TTC39C: variants seen among roughly 807,000 people sequenced by gnomAD.
TTC39C encodes the protein tetratricopeptide repeat protein 39C.
Under a neutral mutation model 76.3 loss-of-function variants are expected in TTC39C, and 33 were observed. That is an observed-to-expected ratio of 0.43 (90% CI 0.33 to 0.58). The LOEUF is 0.58. TTC39C is among the 20% of genes least tolerant of loss of function. TTC39C has a pLI of 0.04. For synonymous variants in TTC39C, 254 were observed against 260.6 expected (o/e 0.97, Z 0.24); for missense variants, 595 against 701.4 (o/e 0.85, Z 1.71).
intron 1 of TTC39C, among the ~76,000 whole-genome samples, chr18:24,029,720 C>G (rs1950269561): frequency 6.6e-6 from 1 of 152,080 alleles, no homozygotes; most frequent in African/African-American, 2.4e-5. Flanking sequence ...GTCCTCATAG[C>G]TTAGCTCCCC....
intron 1 of TTC39C, chr18:24,015,268 C>T (rs1241196087): frequency 7.4e-6 from 3 of 404,192 alleles, no homozygotes; most frequent in East Asian, 3.9e-5. Context: ...GGACCCGCCG[C>T]GCGCCCGCCC....
chr18:24,033,252 CAATA>C (rs769592459), intron 1 of TTC39C, among the ~76,000 whole-genome samples: 24 of 152,102 alleles, frequency 1.6e-4, no homozygotes, highest in East Asian at 1.9e-4. Flanking sequence ...GACTCTGTCT[CAATA>C]AATAAATAAA....
intron 6 of TTC39C, among the ~76,000 whole-genome samples, chr18:24,089,134 C>T (rs1339839743): frequency 5.3e-5 from 8 of 152,130 alleles, no homozygotes; most frequent in Non-Finnish European, 1.0e-4. Context: ...GAAGAAAGAA[C>T]AGGGAGACCC....
At position 24,058,213 on chromosome 18, in the gene TTC39C, A is replaced by C. The variant is rs139166241; in HGVS notation, c.168-5927A>C. Among the ~76,000 whole-genome samples the C allele has an allele frequency of 2.4e-3, 362 of 152,332 alleles. 5 individuals are homozygous for C. Among genetic ancestry groups the C allele is most frequent in the Admixed American group, 0.017 (265 of 15,298 alleles). On this transcript the variant is annotated intron_variant, in intron 1 of 13. Transcript: ENST00000317571. ...ATCGAAAAACTACCTATTGTGTACT[A>C]TGCTTATTACCTGGGTGATGAAATC...
At chr18:23,995,380 A>G (rs1192910864) in intron 1 of TTC39C, among the ~76,000 whole-genome samples, 2 of 151,526 alleles carry the variant, frequency 1.3e-5, no homozygotes, top group African/African-American at 2.4e-5. Flanking sequence ...TGAGGCACGA[A>G]AATCACGCGA....
At chr18:24,128,859 G>A in intron 10 of TTC39C, 27 bp from the exon 11 acceptor site, 1 of 1,580,810 alleles carries the variant, frequency 6.3e-7, no homozygotes, top group Non-Finnish European at 8.7e-7. Flanking sequence ...TTTGCTTACT[G>A]CTCTGTTCAC....
chr18:24,037,401 C>T (rs192846382), intron 1 of TTC39C, among the ~76,000 whole-genome samples: 1 of 152,292 alleles, frequency 6.6e-6, no homozygotes, highest in African/African-American at 2.4e-5. Context: ...TAATGTCTGG[C>T]ATGTAGTAGG....
At chr18:24,122,015 A>G (rs1294833399) in intron 8 of TTC39C, among the ~76,000 whole-genome samples, 2 of 152,140 alleles carry the variant, frequency 1.3e-5, no homozygotes, top group Non-Finnish European at 2.9e-5. Context: ...TTGAATATTC[A>G]GCCTCATCAC....
At chr18:24,035,477 C>T (rs544607094) in intron 1 of TTC39C, among the ~76,000 whole-genome samples, 1 of 152,326 alleles carries the variant, frequency 6.6e-6, no homozygotes, top group South Asian at 2.1e-4. Flanking sequence ...TGGATAATAG[C>T]CATCCTAATA....
upstream of TTC39C, among the ~76,000 whole-genome samples, chr18:24,011,428 C>A (rs2083392569): frequency 6.6e-6 from 1 of 152,214 alleles, no homozygotes; most frequent in Admixed American, 6.5e-5. Context: ...TTCCAAAAAC[C>A]TTTTGGGACC....
In TTC39C at chr18:24,135,305, T is replaced by G. The variant is rs373336972; in HGVS notation, c.*2731T>G. ...ACCACTGTGACCGGCCAGGTCTTTT[T>G]TTTTTTAAAGAGTCTATCCTAGGCT... On this transcript the variant is annotated 3_prime_UTR_variant, in exon 14 of 14. Transcript: ENST00000317571. 6.6e-6 allele frequency: 1 copy of G among 152,514 alleles called. No homozygotes were observed. Among genetic ancestry groups the G allele is most frequent in the East Asian group, 1.9e-4 (1 of 5,194 alleles). 9.4% of individuals were successfully genotyped at this position (152,514 alleles called of 1,614,324 possible). A position where few individuals can be genotyped will look rare whatever the true frequency, so the allele number is the denominator to read the frequency against.
At chr18:24,083,658 G>A (rs2084404687) in intron 6 of TTC39C, among the ~76,000 whole-genome samples, 1 of 152,140 alleles carries the variant, frequency 6.6e-6, no homozygotes, top group Admixed American at 6.6e-5. Context: ...AAATAAACAG[G>A]GATCTAAGAG....
At chr18:24,127,629 A>G (rs2085067290) in intron 10 of TTC39C, among the ~76,000 whole-genome samples, 1 of 151,800 alleles carries the variant, frequency 6.6e-6, no homozygotes, top group Non-Finnish European at 1.5e-5. Context: ...CGATCCTCCA[A>G]CCTCAGCCTC....
chr18:24,116,970 C>T (rs1187483789), intron 7 of TTC39C, among the ~76,000 whole-genome samples: 3 of 151,762 alleles, frequency 2.0e-5, no homozygotes, highest in African/African-American at 7.3e-5. Flanking sequence ...GAATTACAGG[C>T]GTGCACCACC....
At chr18:24,035,620 G>T (rs1197308154) in intron 1 of TTC39C, among the ~76,000 whole-genome samples, 1 of 151,972 alleles carries the variant, frequency 6.6e-6, no homozygotes, top group African/African-American at 2.4e-5. Flanking sequence ...TTTTTAATTG[G>T]GTTGTTTGGT....
At chr18:24,042,399 C>T (rs1366176000) in intron 1 of TTC39C, among the ~76,000 whole-genome samples, 2 of 152,110 alleles carry the variant, frequency 1.3e-5, no homozygotes, top group African/African-American at 4.8e-5. Context: ...CAACCTAGAC[C>T]CCCCACGTGC....
chr18:24,090,892 C>T (rs1476580323), intron 6 of TTC39C, among the ~76,000 whole-genome samples: 2 of 149,160 alleles, frequency 1.3e-5, no homozygotes, highest in Non-Finnish European at 3.0e-5. Flanking sequence ...CTGCAACCTC[C>T]ACCTCCCAGG....
At chr18:24,104,244 T>G (rs530933486) in intron 6 of TTC39C, among the ~76,000 whole-genome samples, 7 of 152,236 alleles carry the variant, frequency 4.6e-5, no homozygotes, top group African/African-American at 1.7e-4. Flanking sequence ...AAATCCCAAA[T>G]TCTTATAATG....
At chr18:24,122,500 C>CAAAAAAAA (rs36002596) in intron 8 of TTC39C, among the ~76,000 whole-genome samples, 3,040 of 50,890 alleles carry the variant, frequency 0.06, 820 homozygotes, top group African/African-American at 0.22. Context: ...GACTCCATCT[C>CAAAAAAAA]AAAAAAAAAA....
Sources: gnomAD v4.1 joint callset for allele counts (sites outside exome capture counted in the v4.1 genomes callset) on GRCh38, gnomAD v4.1.1 for gene constraint, MANE v1.5 for transcripts, NCBI Gene and HGNC (gene_info 2026-07-23, HGNC 2026-07-21) for gene names.